VAV3: variants seen among roughly 807,000 people sequenced by gnomAD.
The protein encoded by VAV3 is guanine nucleotide exchange factor VAV3.
Under a neutral mutation model 131.2 loss-of-function variants are expected in VAV3, and 94 were observed. The ratio of observed to expected loss-of-function variants is 0.72; its 90% CI spans 0.61 to 0.85. VAV3 has a LOEUF of 0.85. Ranked by LOEUF, VAV3 falls within the 40% of genes least tolerant of loss-of-function variation. The pLI is 0.00. For synonymous variants in VAV3, 349 were observed against 342.0 expected (o/e 1.02, Z -0.22); for missense variants, 939 against 1,002.7 (o/e 0.94, Z 0.86).
chr1:107,575,633 C>A (rs972711413), intron 25 of VAV3, among the ~76,000 whole-genome samples: 2 of 152,046 alleles, frequency 1.3e-5, no homozygotes, highest in African/African-American at 4.8e-5. Context: ...ATAAAAACAC[C>A]CCTATGATGG....
At chr1:107,615,530 T>C (rs58588108) in intron 21 of VAV3, among the ~76,000 whole-genome samples, 20,958 of 152,096 alleles carry the variant, frequency 0.14, 1,532 homozygotes, top group Non-Finnish European at 0.16. Flanking sequence ...ATTCTTGACA[T>C]AGGACCCAGC....
In VAV3 at chr1:107,768,441, A is replaced by T. The variant is rs373321147; in HGVS notation, c.717T>A (p.Pro239=). Residue 239 remains proline, a splice_region_variant and synonymous_variant, in exon 7 of 27, where the codon CCT becomes CCA. Coordinates refer to ENST00000370056, the MANE Select transcript of VAV3 (RefSeq NM_006113.5). ...AEFDSVFINI[P]ELVKLHRNLM... is the part of the protein sequence containing the mutation. Reference sequence around the variant, plus strand: ...TTTTAGCTAGCATATTTTTACTCACAGGAATGTTGATGAATACTGAATCAA... The same window carrying T: ...TTTTAGCTAGCATATTTTTACTCACTGGAATGTTGATGAATACTGAATCAA... The T allele has an allele frequency of 1.9e-6, 3 of 1,610,706 alleles. No individual in the cohort carries two copies. Among genetic ancestry groups the T allele is most frequent in the East Asian group, 2.2e-5 (1 of 44,708 alleles).
chr1:107,807,924 T>C (rs1393702475), intron 2 of VAV3, among the ~76,000 whole-genome samples: 1 of 152,144 alleles, frequency 6.6e-6, no homozygotes, highest in Non-Finnish European at 1.5e-5. Context: ...AACTTGTACA[T>C]TTACAAATAA....
At chr1:107,829,066 C>A (rs1394240646) in intron 2 of VAV3, among the ~76,000 whole-genome samples, 1 of 152,192 alleles carries the variant, frequency 6.6e-6, no homozygotes, top group Non-Finnish European at 1.5e-5. Context: ...GCACACTCTG[C>A]TTTCCTTTCC....
chr1:107,622,487 T>C (rs1301848650), intron 20 of VAV3, among the ~76,000 whole-genome samples: 1 of 152,162 alleles, frequency 6.6e-6, no homozygotes, highest in Non-Finnish European at 1.5e-5. Context: ...AAGAACTGCT[T>C]TGAGAAAAAT....
At chr1:107,653,738 AG>A (rs1307902101) in intron 19 of VAV3, among the ~76,000 whole-genome samples, 1 of 152,142 alleles carries the variant, frequency 6.6e-6, no homozygotes, top group African/African-American at 2.4e-5. Flanking sequence ...GTTTCATAGG[AG>A]GAGGCTAACT....
chr1:107,705,016 G>A lies in VAV3; in HGVS notation c.1548C>T (p.Phe516=), dbSNP rs1321493053. 6.2e-7 allele frequency: 1 copy of A among 1,613,836 alleles called. No homozygotes were observed. The highest frequency in any genetic ancestry group is 8.5e-7 in the Non-Finnish European group (1 of 1,179,858). ...TGACTCGAGTGAAGGTATGCATCTTGAAGTCGTGGAAATTGGAGTCTGCAT... is the reference window on the plus strand; with the variant it reads ...TGACTCGAGTGAAGGTATGCATCTTAAAGTCGTGGAAATTGGAGTCTGCAT... ...PDYADSNFHD[F]KMHTFTRVTS... is the part of the protein sequence containing the mutation. The change falls in exon 16 of 27, where the codon TTC becomes TTT. Residue 516 remains phenylalanine (F), a synonymous_variant. Coordinates refer to ENST00000370056, the MANE Select transcript of VAV3 (RefSeq NM_006113.5).
chr1:107,884,760 T>A (rs1670952823), intron 1 of VAV3, among the ~76,000 whole-genome samples: 1 of 151,966 alleles, frequency 6.6e-6, no homozygotes, highest in Non-Finnish European at 1.5e-5. Context: ...AAAAAAAAAT[T>A]AAACAATTTT....
At chr1:107,710,626 T>G in intron 15 of VAV3, among the ~76,000 whole-genome samples, 1 of 152,180 alleles carries the variant, frequency 6.6e-6, no homozygotes, top group African/African-American at 2.4e-5. Flanking sequence ...TCTTGCATCC[T>G]TCTATTAACC....
intron 19 of VAV3, chr1:107,673,516 G>A (rs1407037254): frequency 6.6e-6 from 1 of 152,142 alleles, no homozygotes; most frequent in Admixed American, 6.6e-5. Context: ...ATTTCCTGAT[G>A]CTCACATATC....
intron 2 of VAV3, among the ~76,000 whole-genome samples, chr1:107,823,591 A>T (rs1667891191): frequency 6.6e-6 from 1 of 152,218 alleles, no homozygotes; most frequent in African/African-American, 2.4e-5. Flanking sequence ...AAGAGACAGA[A>T]GAATGGCCAG....
chr1:107,914,041 C>T (rs1421868507), intron 1 of VAV3, among the ~76,000 whole-genome samples: 4 of 152,100 alleles, frequency 2.6e-5, no homozygotes, highest in Non-Finnish European at 2.9e-5. Flanking sequence ...GTGATCTGCC[C>T]GCCTTGGCCT....
At chr1:107,807,084 G>A (rs1220070343) in intron 2 of VAV3, among the ~76,000 whole-genome samples, 7 of 152,038 alleles carry the variant, frequency 4.6e-5, no homozygotes, top group African/African-American at 1.2e-4. Flanking sequence ...ACCCAAGAAC[G>A]CAAAACCCAC....
intron 15 of VAV3, among the ~76,000 whole-genome samples, chr1:107,736,642 T>C (rs1450736302): frequency 6.6e-6 from 1 of 152,076 alleles, no homozygotes; most frequent in Non-Finnish European, 1.5e-5. Flanking sequence ...GAATCCAACT[T>C]ACAAGGGATG....
chr1:107,630,800 C>T (rs1390404747), intron 20 of VAV3, among the ~76,000 whole-genome samples: 1 of 152,108 alleles, frequency 6.6e-6, no homozygotes, highest in Non-Finnish European at 1.5e-5. Flanking sequence ...AAACACATGG[C>T]TTCAAAGGAT....
At chr1:107,896,748 A>C (rs909287758) in intron 1 of VAV3, among the ~76,000 whole-genome samples, 1 of 152,084 alleles carries the variant, frequency 6.6e-6, no homozygotes, top group African/African-American at 2.4e-5. Flanking sequence ...TATTAAAAAA[A>C]TGGCTACAGG....
intron 2 of VAV3, among the ~76,000 whole-genome samples, chr1:107,831,363 A>G (rs1189359632): frequency 1.3e-5 from 2 of 152,198 alleles, no homozygotes; most frequent in African/African-American, 4.8e-5. Context: ...TCATTTCAGA[A>G]AAGAAAAGGC....
chr1:107,962,135 T>C (rs1458225149), intron 1 of VAV3, among the ~76,000 whole-genome samples: 1 of 152,238 alleles, frequency 6.6e-6, no homozygotes, highest in African/African-American at 2.4e-5. Flanking sequence ...AAAAATAGTC[T>C]ATTTCAAATT....
chr1:107,670,688 C>T (rs1288395695), intron 19 of VAV3, among the ~76,000 whole-genome samples: 2 of 152,132 alleles, frequency 1.3e-5, no homozygotes, highest in Non-Finnish European at 2.9e-5. Flanking sequence ...TAATGAGATG[C>T]CACAAATGTT....
Sources: allele counts gnomAD v4.1 joint callset (sites outside exome capture counted in the v4.1 genomes callset), GRCh38; gene constraint gnomAD v4.1.1; transcripts MANE v1.5; gene names NCBI Gene and HGNC (gene_info 2026-07-23, HGNC 2026-07-21).